The following ASCC1 variants were observed in gnomAD, a reference collection of about 807,000 sequenced individuals.
ASCC1 encodes ASC-1 complex subunit P50.
ASCC1 carries 35 observed loss-of-function variants against 46.6 expected under a neutral mutation model. That is an observed-to-expected ratio of 0.75 (90% CI 0.57 to 0.99). The LOEUF (loss-of-function observed/expected upper bound fraction) is 0.99, where lower values mean the gene tolerates loss of function less well. Among genes scored for constraint, ASCC1 ranks in the 50% least tolerant of loss-of-function variants. The pLI, the probability that ASCC1 is intolerant of heterozygous loss-of-function variation, is 0.00. For missense variants in ASCC1, 376 were observed against 428.7 expected (o/e 0.88, Z 1.09); for synonymous variants, 143 against 146.6 (o/e 0.98, Z 0.18).
chr10:72,213,028 C>A (rs1307298771), intron 2 of ASCC1, among the ~76,000 whole-genome samples, 159 bp downstream of exon 2: 4 of 152,144 alleles, frequency 2.6e-5, no homozygotes, highest in African/African-American at 9.7e-5. Context: ...AACTCAAACT[C>A]ATCAGTACCC....
upstream of ASCC1, chr10:72,216,787 C>T (rs1226284526): frequency 1.1e-5 from 5 of 456,012 alleles, no homozygotes; most frequent in African/African-American, 2.0e-5. Context: ...TCGTTACTCT[C>T]CTGTGAGGAT....
At chr10:72,105,933 G>T (rs1473661281) in intron 9 of ASCC1, among the ~76,000 whole-genome samples, 1 of 152,120 alleles carries the variant, frequency 6.6e-6, no homozygotes, top group African/African-American at 2.4e-5. Flanking sequence ...GGGGAGGAGG[G>T]TGGAGAGGGG....
At chr10:72,159,529 G>A (rs1411082527) in intron 6 of ASCC1, among the ~76,000 whole-genome samples, 2 of 152,156 alleles carry the variant, frequency 1.3e-5, no homozygotes, top group Non-Finnish European at 2.9e-5. Context: ...AGGAAATGTA[G>A]TAGCTTTCAG....
intron 5 of ASCC1, among the ~76,000 whole-genome samples, chr10:72,196,244 T>C (rs1448749638): frequency 6.6e-6 from 1 of 151,786 alleles, no homozygotes. Flanking sequence ...TGCAGAATAG[T>C]GTGTCTATTA....
At chr10:72,145,912 T>C (rs1390700490) in intron 7 of ASCC1, among the ~76,000 whole-genome samples, 1 of 152,192 alleles carries the variant, frequency 6.6e-6, no homozygotes, top group Non-Finnish European at 1.5e-5. Context: ...TTAAGTGGCA[T>C]ATAACAGCAC....
At chr10:72,174,632 T>G (rs933180352) in intron 5 of ASCC1, among the ~76,000 whole-genome samples, 1 of 152,216 alleles carries the variant, frequency 6.6e-6, no homozygotes, top group South Asian at 2.1e-4. Context: ...TGGTGGTACA[T>G]GCCAATTGCC....
intron 5 of ASCC1, among the ~76,000 whole-genome samples, chr10:72,170,005 A>C (rs1394280829): frequency 6.6e-6 from 1 of 152,128 alleles, no homozygotes; most frequent in African/African-American, 2.4e-5. Context: ...CTGTAATCCC[A>C]GCTACTCAAG....
At chr10:72,147,185 A>G (rs945818447) in intron 7 of ASCC1, among the ~76,000 whole-genome samples, 3 of 151,852 alleles carry the variant, frequency 2.0e-5, no homozygotes, top group Non-Finnish European at 2.9e-5. Flanking sequence ...CTAGAGCAGT[A>G]CAAGAGGTGA....
At chr10:72,188,770 ATATT>A (rs1393328520) in intron 5 of ASCC1, among the ~76,000 whole-genome samples, 2 of 151,998 alleles carry the variant, frequency 1.3e-5, no homozygotes, top group South Asian at 2.1e-4. Flanking sequence ...GTCATCTCAT[ATATT>A]TATTTTGAGA....
chr10:72,137,210 C>G (rs1343334489), intron 7 of ASCC1, among the ~76,000 whole-genome samples: 2 of 151,834 alleles, frequency 1.3e-5, no homozygotes, highest in African/African-American at 4.8e-5. Context: ...GCCACCATGC[C>G]AGGCCATCAA....
chr10:72,163,975 T>C (rs751472092), intron 5 of ASCC1, among the ~76,000 whole-genome samples: 8 of 152,170 alleles, frequency 5.3e-5, no homozygotes, highest in Non-Finnish European at 7.3e-5. Context: ...TTTATTTTTA[T>C]TTTTTGTGAT....
rs147154723 is a variant in ASCC1 at position 72,156,632 on chromosome 10, C to T, written c.627-3644G>A. Reference sequence around the variant, plus strand: ...CTAAATATACAAAAAACTAGCCGGGCGTGGTGGCGGGCGCCTGTAGTCCCG... The same window carrying T: ...CTAAATATACAAAAAACTAGCCGGGTGTGGTGGCGGGCGCCTGTAGTCCCG... On this transcript the variant is annotated intron_variant, in intron 6 of 9. Transcript: ENST00000672957. 5.9e-5 allele frequency among the ~76,000 whole-genome samples: 9 copies of T among 152,026 alleles called. No individual in the cohort carries two copies. In the East Asian group the frequency reaches 1.4e-3, roughly 23 times the overall value.
intron 9 of ASCC1, among the ~76,000 whole-genome samples, chr10:72,121,163 C>A (rs954945326): frequency 6.6e-6 from 1 of 151,884 alleles, no homozygotes; most frequent in Non-Finnish European, 1.5e-5. Context: ...ATTTATTTTG[C>A]GACAGGGTCT....
intron 9 of ASCC1, chr10:72,102,372 G>A (rs1284074969): frequency 6.5e-7 from 1 of 1,549,842 alleles, no homozygotes; most frequent in South Asian, 1.2e-5. Context: ...CTCGATTCTA[G>A]GATTTTCCTG....
Position 72,128,095 on chromosome 10 carries a change from C to T in ASCC1, c.944G>A (p.Arg315Gln), listed in dbSNP as rs369063011. 4.3e-6 allele frequency: 7 copies of T among 1,613,336 alleles called. No individual in the cohort carries two copies. Among genetic ancestry groups the T allele is most frequent in the South Asian group, 1.1e-5 (1 of 91,080 alleles). ...IFKERESFDG[R>Q]NILKLFENFY... ...CTTCATACTGACCTTTAAAATATTT[C>T]GGCCATCAAATGATTCTCTTTCCTT... Residue 315 changes from arginine to glutamine, a missense_variant, in exon 9 of 10, where the codon CGA becomes CAA. By Grantham distance (43) the Arg-to-Gln change is conservative (BLOSUM62 1). Coordinates refer to ENST00000672957, the MANE Select transcript of ASCC1 (RefSeq NM_001198800.3).
At chr10:72,208,150 T>C (rs1299176917) in intron 3 of ASCC1, among the ~76,000 whole-genome samples, 1 of 152,066 alleles carries the variant, frequency 6.6e-6, no homozygotes, top group Non-Finnish European at 1.5e-5. Context: ...ATATTACCTA[T>C]TAATTAGGAT....
intron 9 of ASCC1, among the ~76,000 whole-genome samples, chr10:72,120,003 G>A (rs558278020): frequency 1.5e-4 from 23 of 152,308 alleles, no homozygotes; most frequent in African/African-American, 5.1e-4. Context: ...TTTGGAGGCC[G>A]AGGCAGGCGG....
intron 7 of ASCC1, among the ~76,000 whole-genome samples, chr10:72,151,658 A>C (rs1848346238): frequency 6.6e-6 from 1 of 152,120 alleles, no homozygotes; most frequent in South Asian, 2.1e-4. Context: ...CACTATTTTA[A>C]GCATTTTAAA....
At chr10:72,145,540 T>A (rs554756183) in intron 7 of ASCC1, among the ~76,000 whole-genome samples, 1 of 152,344 alleles carries the variant, frequency 6.6e-6, no homozygotes, top group African/African-American at 2.4e-5. Context: ...TAACATCAAT[T>A]CCTTAGAGAA....
Sources: allele counts gnomAD v4.1 joint callset (sites outside exome capture counted in the v4.1 genomes callset), GRCh38; gene constraint gnomAD v4.1.1; transcripts MANE v1.5; gene names NCBI Gene and HGNC (gene_info 2026-07-23, HGNC 2026-07-21).